PGM3: variants seen among roughly 807,000 people sequenced by gnomAD.
The protein encoded by PGM3 is phosphoacetylglucosamine mutase.
In PGM3, 40 loss-of-function variants were observed where a neutral mutation model predicts 66.2. The ratio of observed to expected loss-of-function variants is 0.60; its 90% CI spans 0.47 to 0.79. PGM3 has a LOEUF of 0.79. Among genes scored for constraint, PGM3 ranks in the 30% least tolerant of loss-of-function variants. The pLI, the probability that PGM3 is intolerant of heterozygous loss-of-function variation, is 0.00. For synonymous variants in PGM3, 191 were observed against 224.2 expected, an observed-to-expected ratio of 0.85 and a Z score of 1.32; for missense variants, 537 against 643.4, an observed-to-expected ratio of 0.83 and a Z score of 1.79.
At chr6:83,192,183 T>C (rs1789169109) in intron 1 of PGM3, among the ~76,000 whole-genome samples, 1 of 145,138 alleles carries the variant, frequency 6.9e-6, no homozygotes, top group African/African-American at 2.6e-5. Context: ...GGAGAATCGC[T>C]TGAACCCGCG....
chr6:83,192,088 G>A (rs968482744), intron 1 of PGM3, among the ~76,000 whole-genome samples: 6 of 151,578 alleles, frequency 4.0e-5, no homozygotes, highest in African/African-American at 1.5e-4. Context: ...AACATGGTGA[G>A]ACCCTTGTCT....
At chr6:83,163,672 C>A (rs1784763569), downstream of PGM3, among the ~76,000 whole-genome samples, 1 of 152,014 alleles carries the variant, frequency 6.6e-6, no homozygotes, top group African/African-American at 2.4e-5. Flanking sequence ...CAGTTCTTGC[C>A]CTTAACATGA....
At chr6:83,173,958 G>C (rs182573903) in intron 10 of PGM3, among the ~76,000 whole-genome samples, 3 of 151,776 alleles carry the variant, frequency 2.0e-5, no homozygotes, top group South Asian at 4.2e-4. Context: ...GGAGGGTCTC[G>C]ATCTCCTGAC....
chr6:83,164,014 C>A (rs1303822812), downstream of PGM3, among the ~76,000 whole-genome samples: 3 of 150,968 alleles, frequency 2.0e-5, no homozygotes, highest in Non-Finnish European at 2.9e-5. Context: ...TTGTTATTAA[C>A]CTTTTGTCAA....
intron 11 of PGM3, chr6:83,171,178 TA>T (rs1341487731): frequency 4.0e-5 from 6 of 150,646 alleles, no homozygotes; most frequent in Admixed American, 6.6e-5. Context: ...CGTCTCTAAA[TA>T]AAATATACAA....
chr6:83,188,429 C>T lies in PGM3; in HGVS notation c.389+185G>A, dbSNP rs193132355. ...AGTAGGGTTTTAAACCAGAGTCAGA[C>T]TCCAAACCCCAAGCTGCAGTAGTGA... On this transcript the variant is annotated intron_variant, in intron 3 of 12. Transcript: ENST00000513973. The T allele has an allele frequency of 3.9e-4, 206 of 533,588 alleles. No individual in the cohort carries two copies. In the East Asian group the frequency reaches 5.8e-3, roughly 15 times the overall value. 33.1% of individuals were successfully genotyped at this position (533,588 alleles called of 1,614,324 possible).
At chr6:83,180,263 G>A (rs973717293) in intron 6 of PGM3, among the ~76,000 whole-genome samples, 1 of 152,062 alleles carries the variant, frequency 6.6e-6, no homozygotes, top group African/African-American at 2.4e-5. Flanking sequence ...TTTTTTGAAA[G>A]CTACATGTAT....
chr6:83,181,049 G>A (rs1417708306), intron 6 of PGM3, among the ~76,000 whole-genome samples: 1 of 152,166 alleles, frequency 6.6e-6, no homozygotes, highest in Non-Finnish European at 1.5e-5. Flanking sequence ...AATGCAGCCA[G>A]CCAAACAAAA....
intron 8 of PGM3, among the ~76,000 whole-genome samples, chr6:83,178,011 A>G: frequency 6.6e-6 from 1 of 152,166 alleles, no homozygotes; most frequent in East Asian, 1.9e-4. Flanking sequence ...CTACCACTGC[A>G]AAACTCCATC....
the PGM3 span, chr6:83,152,004 C>G: frequency 1.9e-6 from 3 of 1,613,648 alleles, no homozygotes; most frequent in Non-Finnish European, 2.5e-6. Context: ...GTAGATGGAA[C>G]CAATTTGGAA....
At chr6:83,156,004 G>A in the PGM3 span, 2 of 1,614,138 alleles carry the variant, frequency 1.2e-6, no homozygotes, top group South Asian at 2.2e-5. Context: ...AAACCGTGAT[G>A]TGGAGCTAGA....
chr6:83,177,333 C>T (rs780565139), intron 8 of PGM3, among the ~76,000 whole-genome samples: 12 of 152,054 alleles, frequency 7.9e-5, no homozygotes, highest in Non-Finnish European at 1.5e-4. Flanking sequence ...CAGTTTTGTC[C>T]ATGAACCCTG....
intron 8 of PGM3, among the ~76,000 whole-genome samples, chr6:83,177,537 G>A (rs1211348922): frequency 6.6e-6 from 1 of 152,140 alleles, no homozygotes; most frequent in Non-Finnish European, 1.5e-5. Flanking sequence ...CTAAGAGATA[G>A]CAAAGATAAA....
chr6:83,172,891 A>C (rs1354925440), intron 10 of PGM3, among the ~76,000 whole-genome samples: 1 of 152,226 alleles, frequency 6.6e-6, no homozygotes, highest in South Asian at 2.1e-4. Context: ...AGTTTTAGGA[A>C]TGATGGTGAT....
the PGM3 span, among the ~76,000 whole-genome samples, chr6:83,149,335 G>A: frequency 2.6e-5 from 4 of 152,178 alleles, no homozygotes; most frequent in African/African-American, 9.7e-5. Context: ...CAAGTACTGG[G>A]ATGTCATAGT....
chr6:83,170,264 CTAATATTAGGCTCTTT>C (rs1490070783), intron 12 of PGM3, 25 bp downstream of exon 12: 1 of 1,588,074 alleles, frequency 6.3e-7, no homozygotes, highest in African/African-American at 1.3e-5. Context: ...TGCCCATCAC[CTAATATTAGGCTCTTT>C]TTCAATAGAA....
chr6:83,182,700 G>A (rs1457201928), intron 5 of PGM3, 145 bp downstream of exon 5: 15 of 706,026 alleles, frequency 2.1e-5, no homozygotes, highest in Non-Finnish European at 3.1e-5. Context: ...AGAACCTTGT[G>A]TAGCCCTAGA....
chr6:83,162,712 TCTA>T, downstream of PGM3: 2 of 1,471,520 alleles, frequency 1.4e-6, no homozygotes, highest in Non-Finnish European at 1.8e-6. Context: ...TCATGATCTT[TCTA>T]CTACATTATG....
At chr6:83,172,100 A>T (rs763398400) in intron 10 of PGM3, 41 bp from the exon 11 acceptor site, 3 of 1,608,144 alleles carry the variant, frequency 1.9e-6, no homozygotes, top group Non-Finnish European at 2.6e-6. Context: ...ACTTAACACA[A>T]GCAAATCTTG....
Sources: gnomAD v4.1 joint callset for allele counts (sites outside exome capture counted in the v4.1 genomes callset) on GRCh38, gnomAD v4.1.1 for gene constraint, MANE v1.5 for transcripts, NCBI Gene and HGNC (gene_info 2026-07-23, HGNC 2026-07-21) for gene names.